Variants in PDE1C observed in about 807,000 individuals in gnomAD.
PDE1C encodes phosphodiesterase 1C.
PDE1C carries 62 observed loss-of-function variants against 93.1 expected under a neutral mutation model. The ratio of observed to expected loss-of-function variants is 0.67; its 90% CI spans 0.54 to 0.82. PDE1C has a LOEUF of 0.82. Ranked by LOEUF, PDE1C falls within the 40% of genes least tolerant of loss-of-function variation. PDE1C has a pLI of 0.00. For synonymous variants in PDE1C, 325 were observed against 310.1 expected (o/e 1.05, Z -0.50); for missense variants, 742 against 884.6 (o/e 0.84, Z 2.04).
chr7:31,836,633 G>C (rs1260817662), intron 11 of PDE1C, among the ~76,000 whole-genome samples: 3 of 152,068 alleles, frequency 2.0e-5, no homozygotes, highest in African/African-American at 7.2e-5. Flanking sequence ...GCACCAGACC[G>C]ATCCTGCCTA....
intron 2 of PDE1C, among the ~76,000 whole-genome samples, chr7:31,989,114 G>GAAAGAAAGAGGAAAATA (rs1783836775): frequency 1.3e-5 from 2 of 150,008 alleles, no homozygotes; most frequent in Middle Eastern, 3.4e-3. Flanking sequence ...AAGAGAAAGA[G>GAAAGAAAGAGGAAAATA]AAAGAAAGAG....
At chr7:32,136,516 T>A (rs537067975) in intron 3 of PDE1C, among the ~76,000 whole-genome samples, 1 of 145,254 alleles carries the variant, frequency 6.9e-6, no homozygotes, top group South Asian at 2.2e-4. Context: ...ATTTTTTTGC[T>A]TCCCTGTGCC....
the PDE1C span, among the ~76,000 whole-genome samples, chr7:31,624,926 G>GA: frequency 1.3e-5 from 2 of 151,894 alleles, no homozygotes; most frequent in African/African-American, 2.4e-5. Flanking sequence ...AAATTTACAA[G>GA]AAAAAAACAA....
chr7:31,620,192 CA>C, the PDE1C span, among the ~76,000 whole-genome samples: 1 of 151,958 alleles, frequency 6.6e-6, no homozygotes, highest in Non-Finnish European at 1.5e-5. Context: ...CACAGACAAA[CA>C]AAAAGACAGC....
chr7:31,702,721 A>C, the PDE1C span, among the ~76,000 whole-genome samples: 1 of 152,162 alleles, frequency 6.6e-6, no homozygotes, highest in Non-Finnish European at 1.5e-5. Flanking sequence ...ACTGGCTGTG[A>C]CTGCCTTATG....
chr7:31,742,793 G>T, the PDE1C span, among the ~76,000 whole-genome samples: 4 of 152,156 alleles, frequency 2.6e-5, no homozygotes, highest in Non-Finnish European at 4.4e-5. Context: ...CACCTGGCCA[G>T]CCAATCAAAC....
At chr7:31,747,573 A>G (rs981241729), downstream of PDE1C, among the ~76,000 whole-genome samples, 1 of 152,140 alleles carries the variant, frequency 6.6e-6, no homozygotes, top group Non-Finnish European at 1.5e-5. Context: ...GCATTGCAGT[A>G]GAGAAAGAGT....
At chr7:32,023,462 C>A (rs1348153550) in intron 2 of PDE1C, among the ~76,000 whole-genome samples, 1 of 152,038 alleles carries the variant, frequency 6.6e-6, no homozygotes, top group African/African-American at 2.4e-5. Flanking sequence ...CTCTTTTTAA[C>A]ACAGGAACTT....
chr7:31,883,194 A>T (rs1392577803), intron 2 of PDE1C, among the ~76,000 whole-genome samples: 2 of 152,222 alleles, frequency 1.3e-5, no homozygotes, highest in Admixed American at 1.3e-4. Context: ...CCAAGTACAT[A>T]AGAAGCCAAT....
chr7:32,116,992 T>C (rs1799018984), intron 3 of PDE1C, among the ~76,000 whole-genome samples: 1 of 152,154 alleles, frequency 6.6e-6, no homozygotes, highest in South Asian at 2.1e-4. Flanking sequence ...GAAAGCACTT[T>C]TATACACAAG....
the PDE1C span, among the ~76,000 whole-genome samples, chr7:31,666,614 T>C: frequency 6.6e-6 from 1 of 152,206 alleles, no homozygotes; most frequent in Non-Finnish European, 1.5e-5. Context: ...AGTCAGGTTA[T>C]TGAGGTATAA....
At chr7:32,106,827 T>A (rs976254255) in intron 3 of PDE1C, among the ~76,000 whole-genome samples, 1 of 151,824 alleles carries the variant, frequency 6.6e-6, no homozygotes, top group Non-Finnish European at 1.5e-5. Flanking sequence ...TCTGAAGTAA[T>A]AAAGTATAAA....
At chr7:32,085,744 G>C (rs2128741259) in intron 3 of PDE1C, among the ~76,000 whole-genome samples, 1 of 151,782 alleles carries the variant, frequency 6.6e-6, no homozygotes, top group Middle Eastern at 3.4e-3. Context: ...CAGAACCAAA[G>C]ACAAAAACCA....
Position 32,199,374 on chromosome 7 carries a change from T to G in PDE1C, c.136+10115A>C, listed in dbSNP as rs181195592. Among the ~76,000 whole-genome samples the G allele has an allele frequency of 2.9e-3, 438 of 152,330 alleles. 1 individual carries two copies. The highest frequency in any genetic ancestry group is 9.8e-3 in the African/African-American group (409 of 41,580). ...GCCACTAGATCTTTAGTTACTATTT[T>G]GTCCATATTCTCTCTGGTCTTTCAT... On this transcript the variant is annotated intron_variant, in intron 2 of 18. Transcript: ENST00000396193.
chr7:32,376,748 C>T (rs750365261), intron 1 of PDE1C, among the ~76,000 whole-genome samples: 34 of 152,234 alleles, frequency 2.2e-4, no homozygotes, highest in Non-Finnish European at 3.8e-4. Context: ...AGGGCAGTGG[C>T]GCCATCTCGG....
At chr7:31,663,286 G>C in the PDE1C span, among the ~76,000 whole-genome samples, 1 of 152,174 alleles carries the variant, frequency 6.6e-6, no homozygotes, top group Non-Finnish European at 1.5e-5. Context: ...TGCTGTAGCT[G>C]CTATCCCCAA....
At chr7:31,624,865 C>T in the PDE1C span, among the ~76,000 whole-genome samples, 1 of 152,150 alleles carries the variant, frequency 6.6e-6, no homozygotes, top group Non-Finnish European at 1.5e-5. Context: ...ATTTTCGCAA[C>T]CTATTCATCT....
At chr7:31,908,670 G>A (rs1019226) in intron 2 of PDE1C, among the ~76,000 whole-genome samples, 54,789 of 151,950 alleles carry the variant, frequency 0.36, 11,063 homozygotes, top group East Asian at 0.51. Context: ...GAGGAAACTG[G>A]CTAAAATACT....
rs180970475 is a variant in PDE1C at position 32,289,142 on chromosome 7, T to C, written c.85+9509A>G. ...GTCAGAGGCCAGGCACAGTGGCTCA[T>C]GCCTGTAATCCCAACACTTTGGGAG... On this transcript the variant is annotated intron_variant, in intron 1 of 18. Transcript: ENST00000396193. Among the ~76,000 whole-genome samples the C allele has an allele frequency of 2.0e-4, 31 of 152,334 alleles. No individual in the cohort carries two copies. In the East Asian group the frequency reaches 5.4e-3, roughly 27 times the overall value.
Sources: gnomAD v4.1 joint callset for allele counts (sites outside exome capture counted in the v4.1 genomes callset) on GRCh38, gnomAD v4.1.1 for gene constraint, MANE v1.5 for transcripts, NCBI Gene and HGNC (gene_info 2026-07-23, HGNC 2026-07-21) for gene names.